Variants in ATP1A1 observed in about 807,000 individuals in gnomAD.
ATP1A1 encodes sodium/potassium-transporting ATPase subunit alpha-1.
Under a neutral mutation model 114.8 loss-of-function variants are expected in ATP1A1, and 14 were observed. The ratio of observed to expected loss-of-function variants is 0.12; its 90% CI spans 0.08 to 0.19. ATP1A1 has a LOEUF of 0.19. ATP1A1 is among the 10% of genes least tolerant of loss of function. ATP1A1 has a pLI of 1.00. For missense variants in ATP1A1, 524 were observed against 1,290.7 expected (o/e 0.41, Z 9.10); for synonymous variants, 471 against 466.3 (o/e 1.01, Z -0.13).
At chr1:116,379,702 A>G (rs569597603) in intron 1 of ATP1A1, among the ~76,000 whole-genome samples, 2 of 152,366 alleles carry the variant, frequency 1.3e-5, no homozygotes, top group Admixed American at 6.5e-5. Flanking sequence ...GTATATGTTA[A>G]TTAAGACCAA....
At position 116,383,959 on chromosome 1, in the gene ATP1A1, A is replaced by G. The variant is rs1288399080; in HGVS notation, c.13-55A>G. On this transcript the variant is annotated intron_variant, in intron 1 of 22. Coordinates refer to ENST00000295598, the MANE Select transcript of ATP1A1 (RefSeq NM_000701.8). ...CAAAATCCCCTGCTCCAGAATTTTC[A>G]GTTTCAGATGAGGTTCATAATTCAT... is the stretch of plus-strand genomic sequence containing the variant. The G allele has an allele frequency of 2.8e-6, 4 of 1,439,072 alleles. No individual in the cohort carries two copies. In the African/African-American group the frequency reaches 5.7e-5, roughly 21 times the overall value. 89.1% of individuals were successfully genotyped at this position (1,439,072 alleles called of 1,614,324 possible).
At position 116,373,306 on chromosome 1, in the gene ATP1A1, C is replaced by T. The variant is rs1185803773; in HGVS notation, c.-206C>T. 2 of 434,292 alleles carry T rather than the reference C, an allele frequency of 4.6e-6. No homozygotes were observed. The allele number at this position is 434,292 out of a possible 1,614,324, so 26.9% of individuals were successfully genotyped here. A position where few individuals can be genotyped will look rare whatever the true frequency, so the allele number is the denominator to read the frequency against. On this transcript the variant is annotated 5_prime_UTR_variant, in exon 1 of 23. Coordinates refer to ENST00000295598, the MANE Select transcript of ATP1A1 (RefSeq NM_000701.8). ...GGAGGAGGCGGACACGTGGCAACAG[C>T]GGTAGCAGCCCGGGCGGCGGCAGCA...
At chr1:116,374,365 A>G (rs1651211889) in intron 1 of ATP1A1, 4 of 1,441,246 alleles carry the variant, frequency 2.8e-6, no homozygotes, top group Non-Finnish European at 9.5e-7. Flanking sequence ...CGAGCCCTGA[A>G]GGAGGATAGG....
chr1:116,396,111 C>G (rs1319078727), intron 13 of ATP1A1, among the ~76,000 whole-genome samples: 3 of 151,948 alleles, frequency 2.0e-5, no homozygotes, highest in Non-Finnish European at 4.4e-5. Context: ...CTCACCATTC[C>G]GACTGCTTCT....
Position 116,384,349 on chromosome 1 carries a change from C to G in ATP1A1, c.123+225C>G, listed in dbSNP as rs12127362. ...GTCACTCTGGCATAACCAGAGATAA[C>G]AGAAGGAACTTAGGTTGATACCATG... On this transcript the variant is annotated intron_variant, in intron 2 of 22. Transcript: ENST00000295598. This position sits in a 1 kb window ranked among gnomAD's most constrained non-coding sequence, Gnocchi z 5.1. 0.084 allele frequency among the ~76,000 whole-genome samples: 12,821 copies of G among 152,170 alleles called. 1,268 individuals carry two copies. The highest frequency in any genetic ancestry group is 0.24 in the African/African-American group (10,002 of 41,488).
In ATP1A1 at chr1:116,387,265, A is replaced by G. The variant is rs1485180506; in HGVS notation, c.184-23A>G. ...TGTAAGTGCTGGTACAGTTTGCCTT[A>G]TTTATATTCCACTGCTTCTCAGGGA... On this transcript the variant is annotated intron_variant, in intron 3 of 22. Transcript: ENST00000295598. This position sits in a 1 kb window ranked among gnomAD's most constrained non-coding sequence, Gnocchi z 6.7. The G allele has an allele frequency of 6.2e-7, 1 of 1,613,434 alleles. No individual in the cohort carries two copies. Among genetic ancestry groups the G allele is most frequent in the Admixed American group, 1.7e-5 (1 of 60,014 alleles).
rs1310785242 is a variant in ATP1A1, at chr1:116,384,660, A to G, written c.124-123A>G. Reference sequence around the variant, plus strand: ...TGGTGAAAATTGTACCAACTTATGCACTGAAGAAAACATCTGCACTTTGTT... The same window carrying G: ...TGGTGAAAATTGTACCAACTTATGCGCTGAAGAAAACATCTGCACTTTGTT... On this transcript the variant is annotated intron_variant, in intron 2 of 22. Transcript: ENST00000295598. This position sits in a 1 kb window ranked among gnomAD's most constrained non-coding sequence, Gnocchi z 5.1. 1.2e-6 allele frequency: 1 copy of G among 819,118 alleles called. No homozygotes were observed. Among genetic ancestry groups the G allele is most frequent in the Non-Finnish European group, 1.9e-6 (1 of 522,132 alleles). 50.7% of individuals were successfully genotyped at this position (819,118 alleles called of 1,614,324 possible).
At position 116,387,606 on chromosome 1, in the gene ATP1A1, C is replaced by A; in HGVS notation, c.387+115C>A. Reference sequence around the variant, plus strand: ...TTACTTAATGGTTATGAACTCATTACTTAATGGTTATGAACAGCTGTTGCC... The same window carrying A: ...TTACTTAATGGTTATGAACTCATTAATTAATGGTTATGAACAGCTGTTGCC... On this transcript the variant is annotated intron_variant, in intron 4 of 22. Transcript: ENST00000295598. This position sits in a 1 kb window ranked among gnomAD's most constrained non-coding sequence, Gnocchi z 6.7. 8.5e-7 allele frequency: 1 copy of A among 1,176,606 alleles called. No homozygotes were observed. The highest frequency in any genetic ancestry group is 1.2e-6 in the Non-Finnish European group (1 of 836,888). The allele number at this position is 1,176,606 out of a possible 1,614,324, so 72.9% of individuals were successfully genotyped here.
In ATP1A1 at chr1:116,373,539, G is replaced by A; in HGVS notation, c.12+16G>A. The A allele has an allele frequency of 6.9e-7, 1 of 1,451,294 alleles. No individual in the cohort carries two copies. The highest frequency in any genetic ancestry group is 1.8e-4 in the Middle Eastern group (1 of 5,624). The allele number at this position is 1,451,294 out of a possible 1,614,324, so 89.9% of individuals were successfully genotyped here. On this transcript the variant is annotated intron_variant, in intron 1 of 22. Transcript: ENST00000295598. ...GGGGAAGGGGGTGAGTGTCCGGCGC[G>A]CCCGGGGAGGGGGCTCGGGGAGCCC...
rs148988967 is a variant in ATP1A1, at chr1:116,389,850, G to A, written c.1023+143G>A. 314 of 1,246,226 alleles carry A rather than the reference G, an allele frequency of 2.5e-4. 3 individuals carry two copies. The East Asian group carries it at 7.7e-3, about 30-fold the overall frequency. 77.2% of individuals were successfully genotyped at this position (1,246,226 alleles called of 1,614,324 possible). A position where few individuals can be genotyped will look rare whatever the true frequency, so the allele number is the denominator to read the frequency against. On this transcript the variant is annotated intron_variant, in intron 8 of 22. Transcript: ENST00000295598. The surrounding 1 kb of genome is among the most constrained non-coding windows in gnomAD (Gnocchi z 6.9). Reference sequence around the variant, plus strand: ...TTCTTCTTGAGAGCCACATCACGTGGTGAATTTTGACAGTGAGAAAACCTC... The same window carrying A: ...TTCTTCTTGAGAGCCACATCACGTGATGAATTTTGACAGTGAGAAAACCTC...
chr1:116,390,783 T>C lies in ATP1A1; in HGVS notation c.1224T>C (p.Gly408=). The change falls in exon 10 of 23, where the codon GGT becomes GGC. Residue 408 remains glycine, a splice_region_variant and synonymous_variant. Transcript: ENST00000295598. ...HEADTTENQS[G]VSFDKTSATW... is the part of the protein sequence containing the mutation. ...GTTGTGTTTTCTTGCCTCCATCAGG[T>C]GTCTCTTTTGACAAGACTTCAGCTA... 1 of 1,613,724 alleles carries C rather than the reference T, an allele frequency of 6.2e-7. No homozygotes were observed. Among genetic ancestry groups the C allele is most frequent in the Non-Finnish European group, 8.5e-7 (1 of 1,179,642 alleles).
At chr1:116,383,495 G>A (rs991833242) in intron 1 of ATP1A1, 10 of 435,176 alleles carry the variant, frequency 2.3e-5, no homozygotes, top group Admixed American at 1.3e-4. Flanking sequence ...TTATCTCCAC[G>A]CTGTGGAAGA....
At chr1:116,373,933 G>A in intron 1 of ATP1A1, 1 of 1,316,154 alleles carries the variant, frequency 7.6e-7, no homozygotes, top group Non-Finnish European at 9.7e-7. Context: ...TGCGACCGCC[G>A]TCACCTCCTT....
rs1297152897 is a variant in ATP1A1, at chr1:116,397,155, G to A, written c.1973+421G>A. ...CACTAACAAAATAAAATAAGGAAGGGACAATTACTTAGGCCATTCAGGCAA... is the reference window on the plus strand; with the variant it reads ...CACTAACAAAATAAAATAAGGAAGGAACAATTACTTAGGCCATTCAGGCAA... On this transcript the variant is annotated intron_variant, in intron 14 of 22. Coordinates refer to ENST00000295598, the MANE Select transcript of ATP1A1 (RefSeq NM_000701.8). This position sits in a 1 kb window ranked among gnomAD's most constrained non-coding sequence, Gnocchi z 4.2. 1.3e-5 allele frequency among the ~76,000 whole-genome samples: 2 copies of A among 152,102 alleles called. No individual in the cohort carries two copies. The highest frequency in any genetic ancestry group is 2.9e-5 in the Non-Finnish European group (2 of 68,014).
At position 116,389,168 on chromosome 1, in the gene ATP1A1, A is replaced by T; in HGVS notation, c.754+149A>T. ...GAGCAGAGGTGTTTTCCTAGCTGGC[A>T]GGAAACCTTGTGGCAGTTTCCCTTC... On this transcript the variant is annotated intron_variant, in intron 7 of 22. Coordinates refer to ENST00000295598, the MANE Select transcript of ATP1A1 (RefSeq NM_000701.8). This position sits in a 1 kb window ranked among gnomAD's most constrained non-coding sequence, Gnocchi z 6.9. 1.1e-6 allele frequency: 1 copy of T among 930,750 alleles called. No homozygotes were observed. The highest frequency in any genetic ancestry group is 1.7e-6 in the Non-Finnish European group (1 of 604,172). The allele number at this position is 930,750 out of a possible 1,614,324, so 57.7% of individuals were successfully genotyped here. A position where few individuals can be genotyped will look rare whatever the true frequency, so the allele number is the denominator to read the frequency against.
In ATP1A1 at chr1:116,384,860, A is replaced by G; in HGVS notation, c.183+18A>G. 3 of 1,612,632 alleles carry G rather than the reference A, an allele frequency of 1.9e-6. No homozygotes were observed. The highest frequency in any genetic ancestry group is 2.5e-6 in the Non-Finnish European group (3 of 1,178,756). On this transcript the variant is annotated intron_variant, in intron 3 of 22. Transcript: ENST00000295598. The surrounding 1 kb of genome is among the most constrained non-coding windows in gnomAD (Gnocchi z 5.1). ...TGAGCCGGGTATGTTCTAGTTTGAA[A>G]GCTGTTGTACAAAATCCTAGTTTTC...
chr1:116,383,838 G>A (rs1651897836), intron 1 of ATP1A1, among the ~76,000 whole-genome samples, 176 bp from the exon 2 acceptor site: 1 of 152,180 alleles, frequency 6.6e-6, no homozygotes, highest in Non-Finnish European at 1.5e-5. Flanking sequence ...ATTAATAGTA[G>A]ATTGCTTTGC....
chr1:116,373,617 C>T (rs900572639), intron 1 of ATP1A1, 94 bp downstream of exon 1: 6 of 1,237,240 alleles, frequency 4.8e-6, no homozygotes, highest in Non-Finnish European at 6.3e-6. Flanking sequence ...CGGGAGGCGG[C>T]GGAGGAGGAA....
At position 116,404,603 on chromosome 1, in the gene ATP1A1, C is replaced by T. The variant is rs1412944360; in HGVS notation, c.*159C>T. ...AGACGTCCTGGAATGAAGCATGTAG[C>T]TCTATGGGGGGAGGGGGGAGGGCTG... is the stretch of plus-strand genomic sequence containing the variant. On this transcript the variant is annotated 3_prime_UTR_variant, in exon 23 of 23. Transcript: ENST00000295598. The surrounding 1 kb of genome is among the most constrained non-coding windows in gnomAD (Gnocchi z 4.8). The T allele has an allele frequency of 4.5e-6, 6 of 1,345,586 alleles. No homozygotes were observed. Among genetic ancestry groups the T allele is most frequent in the African/African-American group, 3.1e-5 (2 of 64,722 alleles). The allele number at this position is 1,345,586 out of a possible 1,614,324, so 83.4% of individuals were successfully genotyped here.
Sources: gnomAD v4.1 joint callset for allele counts (sites outside exome capture counted in the v4.1 genomes callset) on GRCh38, gnomAD v4.1.1 for gene constraint, Gnocchi (gnomAD v3.1) non-coding constraint, MANE v1.5 for transcripts, NCBI Gene and HGNC (gene_info 2026-07-23, HGNC 2026-07-21) for gene names.